KLHL32: variants seen among roughly 807,000 people sequenced by gnomAD.
The protein encoded by KLHL32 is kelch-like protein 32.
KLHL32 carries 35 observed loss-of-function variants against 64.8 expected under a neutral mutation model. The observed-to-expected ratio is 0.54, with a 90% CI of 0.41 to 0.72. The LOEUF (loss-of-function observed/expected upper bound fraction) is 0.72, where lower values mean the gene tolerates loss of function less well. Ranked by LOEUF, KLHL32 falls within the 30% of genes least tolerant of loss-of-function variation. The pLI is 0.00. For missense variants in KLHL32, 589 were observed against 768.5 expected (o/e 0.77, Z 2.76); for synonymous variants, 259 against 281.0 (o/e 0.92, Z 0.78).
At chr6:96,971,265 G>T (rs1260606900) in intron 2 of KLHL32, among the ~76,000 whole-genome samples, 1 of 151,994 alleles carries the variant, frequency 6.6e-6, no homozygotes, top group African/African-American at 2.4e-5. Context: ...AGCTGTTTTC[G>T]GAATTTACAA....
rs147391494 is a variant in KLHL32 at position 97,076,134 on chromosome 6, G to A, written c.412-8992G>A. Among the ~76,000 whole-genome samples the A allele has an allele frequency of 6.9e-3, 1,052 of 152,124 alleles. 5 individuals carry two copies. The highest frequency in any genetic ancestry group is 0.027 in the Middle Eastern group (8 of 292). On this transcript the variant is annotated intron_variant, in intron 5 of 10. Coordinates refer to ENST00000369261, the MANE Select transcript of KLHL32 (RefSeq NM_052904.4). ...ATTATAGTAATACATACTTGCTTAT[G>A]GTCCAGTATAATGTCTCTATCTGTT...
intron 3 of KLHL32, among the ~76,000 whole-genome samples, chr6:97,028,326 T>C (rs907555572): frequency 2.6e-5 from 4 of 152,194 alleles, no homozygotes; most frequent in Non-Finnish European, 5.9e-5. Context: ...TCCAAAATTC[T>C]ATTTGCAGAA....
At chr6:97,110,371 C>G (rs1434384608) in intron 6 of KLHL32, among the ~76,000 whole-genome samples, 3 of 152,156 alleles carry the variant, frequency 2.0e-5, no homozygotes, top group Admixed American at 2.0e-4. Flanking sequence ...CTCTGTCACT[C>G]ATTAAGAGAT....
chr6:97,051,185 A>G (rs1786841040), intron 4 of KLHL32, among the ~76,000 whole-genome samples: 1 of 152,178 alleles, frequency 6.6e-6, no homozygotes, highest in Non-Finnish European at 1.5e-5. Flanking sequence ...CTTAGATAAT[A>G]TAGATGACAA....
chr6:97,020,211 G>A, intron 3 of KLHL32, among the ~76,000 whole-genome samples: 1 of 150,680 alleles, frequency 6.6e-6, no homozygotes, highest in Non-Finnish European at 1.5e-5. Context: ...AAAGTGCTGG[G>A]ATTACAGGCG....
At chr6:97,094,128 A>G (rs913088028) in intron 6 of KLHL32, among the ~76,000 whole-genome samples, 5 of 152,210 alleles carry the variant, frequency 3.3e-5, no homozygotes, top group African/African-American at 1.2e-4. Flanking sequence ...CTTGAAATTG[A>G]TAAATGTTAG....
At chr6:96,913,821 C>T in the KLHL32 span, among the ~76,000 whole-genome samples, 36 of 152,264 alleles carry the variant, frequency 2.4e-4, no homozygotes, top group African/African-American at 8.4e-4. Context: ...CTGTCCCCTC[C>T]GTCATGGGGG....
chr6:96,999,912 C>T (rs72926885), intron 3 of KLHL32, among the ~76,000 whole-genome samples: 1,583 of 152,246 alleles, frequency 0.01, 6 homozygotes, highest in Non-Finnish European at 0.016. Flanking sequence ...CCTAAAACAT[C>T]ACCACTACAG....
At chr6:96,913,609 C>T in the KLHL32 span, among the ~76,000 whole-genome samples, 8 of 152,226 alleles carry the variant, frequency 5.3e-5, no homozygotes, top group African/African-American at 1.4e-4. Context: ...CTAGATGGGT[C>T]GGTAGGGAGA....
At chr6:97,054,441 C>G (rs528727217) in intron 4 of KLHL32, among the ~76,000 whole-genome samples, 7 of 152,206 alleles carry the variant, frequency 4.6e-5, no homozygotes, top group Non-Finnish European at 7.3e-5. Flanking sequence ...TTGGTGCTTT[C>G]TCACAGTAGG....
chr6:96,952,819 A>G (rs984836595), intron 1 of KLHL32, among the ~76,000 whole-genome samples: 7 of 152,144 alleles, frequency 4.6e-5, no homozygotes, highest in African/African-American at 1.7e-4. Flanking sequence ...GTCTTTTGAG[A>G]TGTTTTTCAG....
upstream of KLHL32, among the ~76,000 whole-genome samples, chr6:96,922,509 A>G (rs1313912828): frequency 1.3e-5 from 2 of 152,124 alleles, no homozygotes; most frequent in East Asian, 3.8e-4. Context: ...ACACTTTAAA[A>G]AAAAAAAATC....
intron 6 of KLHL32, among the ~76,000 whole-genome samples, chr6:97,103,240 G>A (rs996350130): frequency 5.0e-5 from 7 of 139,112 alleles, no homozygotes; most frequent in African/African-American, 8.2e-5. Context: ...TTGAGACGGC[G>A]TCTCGCTCTG....
intron 3 of KLHL32, among the ~76,000 whole-genome samples, chr6:96,980,071 T>C (rs1177696304): frequency 1.3e-5 from 2 of 152,166 alleles, no homozygotes; most frequent in Admixed American, 6.6e-5. Context: ...GCAGAGACTA[T>C]GTGGAGAGTT....
chr6:96,926,577 G>T (rs960073492), intron 1 of KLHL32, among the ~76,000 whole-genome samples: 1 of 152,100 alleles, frequency 6.6e-6, no homozygotes, highest in Non-Finnish European at 1.5e-5. Flanking sequence ...CAGTCTCCTT[G>T]CCTTTAAAAA....
intron 5 of KLHL32, among the ~76,000 whole-genome samples, chr6:97,084,592 C>T (rs1793101605): frequency 6.6e-6 from 1 of 152,124 alleles, no homozygotes; most frequent in Non-Finnish European, 1.5e-5. Flanking sequence ...TTCCTGAGAC[C>T]TTGTATATAA....
intron 6 of KLHL32, among the ~76,000 whole-genome samples, chr6:97,113,302 C>A (rs1562351494): frequency 6.6e-6 from 1 of 152,098 alleles, no homozygotes; most frequent in African/African-American, 2.4e-5. Context: ...CTCAAGTACA[C>A]CCTGTGGTCT....
chr6:97,052,382 A>G (rs1205288100), intron 4 of KLHL32, among the ~76,000 whole-genome samples: 5 of 152,228 alleles, frequency 3.3e-5, no homozygotes, highest in African/African-American at 1.2e-4. Context: ...TACAATTCTA[A>G]ACAAAACAAA....
intron 1 of KLHL32, among the ~76,000 whole-genome samples, chr6:96,935,757 C>T (rs918995245): frequency 2.8e-4 from 42 of 152,064 alleles, no homozygotes; most frequent in Admixed American, 2.4e-3. Context: ...TAAGAAGGAA[C>T]AAAATATATG....
Sources: gnomAD v4.1 joint callset for allele counts (sites outside exome capture counted in the v4.1 genomes callset) on GRCh38, gnomAD v4.1.1 for gene constraint, MANE v1.5 for transcripts, NCBI Gene and HGNC (gene_info 2026-07-23, HGNC 2026-07-21) for gene names.